The following SNTG1 variants were observed in gnomAD, a reference collection of about 807,000 sequenced individuals.
SNTG1 encodes gamma-1-syntrophin.
A neutral mutation model predicts 74.7 loss-of-function variants in SNTG1; 39 were observed. The ratio of observed to expected loss-of-function variants is 0.52; its 90% CI spans 0.40 to 0.68. The LOEUF is 0.68. SNTG1 is among the 30% of genes least tolerant of loss of function. The pLI, the probability that SNTG1 is intolerant of heterozygous loss-of-function variation, is 0.00. For synonymous variants in SNTG1, 254 were observed against 217.1 expected, an observed-to-expected ratio of 1.17 and a Z score of -1.49; for missense variants, 685 against 609.5, an observed-to-expected ratio of 1.12 and a Z score of -1.30.
chr8:50,305,643 T>C (rs1367436760), intron 2 of SNTG1, among the ~76,000 whole-genome samples: 1 of 152,044 alleles, frequency 6.6e-6, no homozygotes, highest in Non-Finnish European at 1.5e-5. Context: ...TCACTATATA[T>C]GTGTTAGATC....
intron 1 of SNTG1, among the ~76,000 whole-genome samples, chr8:50,127,441 C>CT (rs2081183596): frequency 1.3e-5 from 2 of 152,220 alleles, no homozygotes; most frequent in South Asian, 4.1e-4. Context: ...AACAGGTGCT[C>CT]TTTTTCGGTC....
intron 18 of SNTG1, chr8:50,762,676 T>C (rs2131744591): frequency 2.1e-6 from 1 of 470,698 alleles, no homozygotes; most frequent in Non-Finnish European, 4.3e-6. Context: ...CAGCCTGACC[T>C]GTCTTCTACC....
intron 5 of SNTG1, among the ~76,000 whole-genome samples, chr8:50,444,260 T>C (rs2093384916): frequency 1.3e-5 from 2 of 152,176 alleles, no homozygotes; most frequent in African/African-American, 4.8e-5. Flanking sequence ...AAAATATATA[T>C]ATTAGTTGTA....
intron 1 of SNTG1, among the ~76,000 whole-genome samples, chr8:50,059,535 C>T (rs1357306070): frequency 2.0e-5 from 3 of 152,080 alleles, no homozygotes; most frequent in Non-Finnish European, 4.4e-5. Flanking sequence ...TACCACTAAC[C>T]TACTTTCTGT....
In SNTG1 at chr8:50,794,531, G is replaced by A. The variant is rs549433217; in HGVS notation, c.*1702G>A. 1.3e-5 allele frequency: 2 copies of A among 152,046 alleles called. No homozygotes were observed. The highest frequency in any genetic ancestry group is 2.4e-5 in the African/African-American group (1 of 41,518). The allele number at this position is 152,046 out of a possible 1,614,324, so 9.4% of individuals were successfully genotyped here. On this transcript the variant is annotated 3_prime_UTR_variant, in exon 19 of 19. Transcript: ENST00000642720. ...AAAACTAAGTACACATTTGTAATTAGGATAGAACTTTAGAATTATTGCACA... is the reference window on the plus strand; with the variant it reads ...AAAACTAAGTACACATTTGTAATTAAGATAGAACTTTAGAATTATTGCACA...
intron 13 of SNTG1, among the ~76,000 whole-genome samples, chr8:50,638,304 C>T (rs768277821): frequency 2.8e-4 from 42 of 152,176 alleles, no homozygotes; most frequent in Non-Finnish European, 5.0e-4. Flanking sequence ...TGTTATAAAC[C>T]ACCAAGGTTT....
intron 17 of SNTG1, among the ~76,000 whole-genome samples, chr8:50,740,960 A>G (rs1160568840): frequency 2.0e-5 from 3 of 152,042 alleles, no homozygotes; most frequent in Admixed American, 6.6e-5. Flanking sequence ...GGTCACATAG[A>G]GAAGAACAAC....
intron 11 of SNTG1, among the ~76,000 whole-genome samples, chr8:50,550,766 T>G (rs1416870520): frequency 6.6e-6 from 1 of 152,100 alleles, no homozygotes; most frequent in African/African-American, 2.4e-5. Flanking sequence ...AAAAGTTTAA[T>G]GTCTCACAAT....
intron 1 of SNTG1, among the ~76,000 whole-genome samples, chr8:50,003,485 T>C (rs1179060468): frequency 6.6e-6 from 1 of 152,172 alleles, no homozygotes; most frequent in African/African-American, 2.4e-5. Context: ...GAAAACATTC[T>C]ACTTTATTTA....
At chr8:50,358,154 G>A (rs759080775) in intron 2 of SNTG1, among the ~76,000 whole-genome samples, 1 of 152,114 alleles carries the variant, frequency 6.6e-6, no homozygotes, top group Non-Finnish European at 1.5e-5. Flanking sequence ...TGGGAGCAAG[G>A]TTTCTCTCGG....
chr8:50,404,402 C>T (rs1023157977), intron 4 of SNTG1, among the ~76,000 whole-genome samples: 1 of 151,988 alleles, frequency 6.6e-6, no homozygotes, highest in Non-Finnish European at 1.5e-5. Context: ...TGGATATGTA[C>T]AAGTTGATTC....
intron 13 of SNTG1, among the ~76,000 whole-genome samples, chr8:50,651,817 T>A (rs2095148557): frequency 6.6e-6 from 1 of 151,868 alleles, no homozygotes; most frequent in Admixed American, 6.6e-5. Context: ...TTCGCTCTTG[T>A]TGCCCAGGCT....
At chr8:50,106,022 T>A (rs1440320970) in intron 1 of SNTG1, among the ~76,000 whole-genome samples, 1 of 152,122 alleles carries the variant, frequency 6.6e-6, no homozygotes, top group Non-Finnish European at 1.5e-5. Flanking sequence ...TGCCTTTTAT[T>A]TCTTTCTCTT....
intron 1 of SNTG1, among the ~76,000 whole-genome samples, chr8:49,998,531 T>C (rs1814449233): frequency 6.6e-6 from 1 of 151,932 alleles, no homozygotes; most frequent in African/African-American, 2.4e-5. Context: ...ATACTATATG[T>C]TTTATTTTAT....
chr8:50,281,549 C>A (rs1385161697), intron 2 of SNTG1, among the ~76,000 whole-genome samples: 2 of 152,060 alleles, frequency 1.3e-5, no homozygotes, highest in African/African-American at 4.8e-5. Context: ...GATTTGAAGT[C>A]AGAAGAGTGA....
chr8:50,493,061 G>A lies in SNTG1; in HGVS notation c.364-9717G>A, dbSNP rs1162699725. 3.3e-5 allele frequency among the ~76,000 whole-genome samples: 5 copies of A among 152,094 alleles called. No individual in the cohort carries two copies. In the South Asian group the frequency reaches 8.3e-4, roughly 25 times the overall value. On this transcript the variant is annotated intron_variant, in intron 8 of 18. Coordinates refer to ENST00000642720, the MANE Select transcript of SNTG1 (RefSeq NM_018967.5). ...ACAAACCTGACAAAAACAAGCAATGGGGAAAGGATTCCCTATTTAATAAAT... is the reference window on the plus strand; with the variant it reads ...ACAAACCTGACAAAAACAAGCAATGAGGAAAGGATTCCCTATTTAATAAAT...
At chr8:50,451,866 T>C (rs936036422) in intron 8 of SNTG1, among the ~76,000 whole-genome samples, 2 of 152,198 alleles carry the variant, frequency 1.3e-5, no homozygotes, top group Admixed American at 1.3e-4. Flanking sequence ...AAAACCTCAC[T>C]GATTTCTGTA....
In SNTG1 at chr8:50,739,608, A is replaced by C. The variant is rs189684779; in HGVS notation, c.1285-12393A>C. 1.2e-4 allele frequency among the ~76,000 whole-genome samples: 18 copies of C among 151,984 alleles called. No individual in the cohort carries two copies. In the East Asian group the frequency reaches 3.3e-3, roughly 28 times the overall value. On this transcript the variant is annotated intron_variant, in intron 17 of 18. Coordinates refer to ENST00000642720, the MANE Select transcript of SNTG1 (RefSeq NM_018967.5). ...GGGGGAGGGATAGCATTACGAGAAAACAACATAGATAATGGATTGTTGGGT... is the reference window on the plus strand; with the variant it reads ...GGGGGAGGGATAGCATTACGAGAAACCAACATAGATAATGGATTGTTGGGT...
chr8:50,420,381 T>C (rs1420382260), intron 4 of SNTG1, among the ~76,000 whole-genome samples: 1 of 152,084 alleles, frequency 6.6e-6, no homozygotes. Flanking sequence ...TAGTTTTAAT[T>C]GCTGAAAGGA....
Sources: allele counts gnomAD v4.1 joint callset (sites outside exome capture counted in the v4.1 genomes callset), GRCh38; gene constraint gnomAD v4.1.1; transcripts MANE v1.5; gene names NCBI Gene and HGNC (gene_info 2026-07-23, HGNC 2026-07-21).